Variants in ETNPPL observed in about 807,000 individuals in gnomAD.
The protein encoded by ETNPPL is alanine--glyoxylate aminotransferase 2-like 1.
In ETNPPL, 30 loss-of-function variants were observed where a neutral mutation model predicts 55.5. The observed-to-expected ratio is 0.54, with a 90% CI of 0.40 to 0.73. ETNPPL has a LOEUF of 0.73. ETNPPL is among the 30% of genes least tolerant of loss of function. The pLI, the probability that ETNPPL is intolerant of heterozygous loss-of-function variation, is 0.00. For missense variants in ETNPPL, 528 were observed against 607.9 expected (o/e 0.87, Z 1.38); for synonymous variants, 202 against 207.2 (o/e 0.98, Z 0.21).
chr4:108,756,098 T>C (rs569666685), intron 4 of ETNPPL, among the ~76,000 whole-genome samples: 1 of 152,334 alleles, frequency 6.6e-6, no homozygotes, highest in East Asian at 1.9e-4. Flanking sequence ...TGGAAAACAA[T>C]TTAATTACTT....
At chr4:108,762,757 T>C in intron 1 of ETNPPL, 86 bp downstream of exon 1, 1 of 1,485,736 alleles carries the variant, frequency 6.7e-7, no homozygotes, top group South Asian at 1.1e-5. Context: ...GCGCATCGTT[T>C]GTTCCCTAGC....
At chr4:108,753,455 A>G (rs909308866) in intron 5 of ETNPPL, among the ~76,000 whole-genome samples, 1 of 152,118 alleles carries the variant, frequency 6.6e-6, no homozygotes, top group Non-Finnish European at 1.5e-5. Flanking sequence ...ATTCTCAAGA[A>G]ATTTGGCCAG....
chr4:108,744,036 G>C (rs1341642381), intron 11 of ETNPPL, among the ~76,000 whole-genome samples, 180 bp from the exon 12 acceptor site: 1 of 152,240 alleles, frequency 6.6e-6, no homozygotes. Flanking sequence ...GCCGAAGAGG[G>C]CGGATCACAA....
chr4:108,747,161 ATAT>A (rs1305921136), intron 9 of ETNPPL, among the ~76,000 whole-genome samples: 2 of 15,848 alleles, frequency 1.3e-4, no homozygotes, highest in Non-Finnish European at 1.8e-4. Flanking sequence ...ATATATATAT[ATAT>A]TATATATATA....
At chr4:108,749,506 A>G in intron 7 of ETNPPL, 43 bp from the exon 8 acceptor site, 1 of 1,452,218 alleles carries the variant, frequency 6.9e-7, no homozygotes, top group Non-Finnish European at 9.6e-7. Flanking sequence ...GGTCACTGAG[A>G]TCCCCAAACC....
rs1279470298 is a variant in ETNPPL at position 108,742,243 on chromosome 4, G to A, written c.*241C>T. ...GAGTTTGCAAGCTTACAATTTAATAGAATAAATCAGGTAGCTTCAGAAATC... is the reference window on the plus strand; with the variant it reads ...GAGTTTGCAAGCTTACAATTTAATAAAATAAATCAGGTAGCTTCAGAAATC... On this transcript the variant is annotated 3_prime_UTR_variant, in exon 13 of 13. Coordinates refer to ENST00000296486, the MANE Select transcript of ETNPPL (RefSeq NM_031279.4). The A allele has an allele frequency of 3.0e-6, 1 of 337,362 alleles. No homozygotes were observed. Among genetic ancestry groups the A allele is most frequent in the Non-Finnish European group, 5.5e-6 (1 of 181,448 alleles). The allele number at this position is 337,362 out of a possible 1,614,324, so 20.9% of individuals were successfully genotyped here.
At chr4:108,754,780 AC>A in intron 4 of ETNPPL, 70 bp from the exon 5 acceptor site, 2 of 949,526 alleles carry the variant, frequency 2.1e-6, no homozygotes, top group Non-Finnish European at 3.4e-6. Flanking sequence ...GTATATGAAA[AC>A]CAGTGTTGCA....
chr4:108,745,193 A>G (rs1027664284), intron 11 of ETNPPL, among the ~76,000 whole-genome samples: 1 of 152,244 alleles, frequency 6.6e-6, no homozygotes, highest in African/African-American at 2.4e-5. Context: ...GGTAAACAAG[A>G]TATATTTTTA....
Position 108,756,967 on chromosome 4 carries a change from G to A in ETNPPL, c.336-475C>T, listed in dbSNP as rs4956054. Among the ~76,000 whole-genome samples the A allele has an allele frequency of 8.5e-3, 1,296 of 152,134 alleles. 27 individuals carry two copies. Among genetic ancestry groups the A allele is most frequent in the African/African-American group, 0.03 (1,234 of 41,506 alleles). ...GCCCACTTTACCCTTCTAATATAAGGTTCCTTAGATGTTTTCAGTAAAGAA... is the reference window on the plus strand; with the variant it reads ...GCCCACTTTACCCTTCTAATATAAGATTCCTTAGATGTTTTCAGTAAAGAA... On this transcript the variant is annotated intron_variant, in intron 3 of 12. Transcript: ENST00000296486.
At chr4:108,749,064 T>TTA (rs934276413) in intron 8 of ETNPPL, among the ~76,000 whole-genome samples, 174 bp downstream of exon 8, 9 of 151,606 alleles carry the variant, frequency 5.9e-5, no homozygotes, top group East Asian at 1.9e-4. Flanking sequence ...AAGTATAATT[T>TTA]TATATATATA....
At chr4:108,754,471 T>A in intron 5 of ETNPPL, 149 bp downstream of exon 5, 1 of 548,828 alleles carries the variant, frequency 1.8e-6, no homozygotes, top group Non-Finnish European at 3.2e-6. Flanking sequence ...CATTCTGTCA[T>A]TATTTAGCCC....
intron 11 of ETNPPL, among the ~76,000 whole-genome samples, chr4:108,745,930 C>CAA (rs5860940): frequency 0.32 from 22,816 of 70,442 alleles, 3,516 homozygotes; most frequent in East Asian, 0.53. Flanking sequence ...GACTCCATCT[C>CAA]AAAAAAAAAA....
At position 108,742,110 on chromosome 4, in the gene ETNPPL, A is replaced by G. The variant is rs1290620507; in HGVS notation, c.*374T>C. Reference sequence around the variant, plus strand: ...ATACTTTTATATATGAAATCATTATAGAATACATATTTTAAGGCACTAAGT... The same window carrying G: ...ATACTTTTATATATGAAATCATTATGGAATACATATTTTAAGGCACTAAGT... On this transcript the variant is annotated 3_prime_UTR_variant, in exon 13 of 13. Transcript: ENST00000296486. 6.3e-6 allele frequency: 1 copy of G among 159,806 alleles called. No homozygotes were observed. Among genetic ancestry groups the G allele is most frequent in the South Asian group, 1.9e-4 (1 of 5,402 alleles). 9.9% of individuals were successfully genotyped at this position (159,806 alleles called of 1,614,324 possible). A position where few individuals can be genotyped will look rare whatever the true frequency, so the allele number is the denominator to read the frequency against.
intron 11 of ETNPPL, among the ~76,000 whole-genome samples, chr4:108,744,865 A>G (rs1465261001): frequency 6.6e-6 from 1 of 151,740 alleles, no homozygotes; most frequent in Non-Finnish European, 1.5e-5. Context: ...CTACAGGCGC[A>G]CGCACCACCA....
At chr4:108,754,870 G>A (rs916239417) in intron 4 of ETNPPL, 160 bp from the exon 5 acceptor site, 5 of 589,468 alleles carry the variant, frequency 8.5e-6, no homozygotes, top group Non-Finnish European at 1.5e-5. Context: ...ATTTTTCATG[G>A]CAAGACTGGC....
chr4:108,758,584 T>G (rs1408758025), intron 3 of ETNPPL, among the ~76,000 whole-genome samples: 2 of 151,950 alleles, frequency 1.3e-5, no homozygotes, highest in Admixed American at 1.3e-4. Flanking sequence ...ACACTGTCAC[T>G]AAAAATCAAA....
At chr4:108,749,123 A>T in intron 8 of ETNPPL, 115 bp downstream of exon 8, 1 of 665,356 alleles carries the variant, frequency 1.5e-6, no homozygotes, top group South Asian at 2.1e-5. Context: ...CTTTGGCCAG[A>T]GTTCTGGGTG....
chr4:108,752,327 T>G (rs963663923), intron 6 of ETNPPL, among the ~76,000 whole-genome samples: 2 of 152,128 alleles, frequency 1.3e-5, no homozygotes, highest in Non-Finnish European at 2.9e-5. Flanking sequence ...GGCTGAGAAT[T>G]GAACATTAAG....
At chr4:108,753,811 G>GAAAGAAAGGAA (rs1560656754) in intron 5 of ETNPPL, among the ~76,000 whole-genome samples, 23 of 128,930 alleles carry the variant, frequency 1.8e-4, no homozygotes, top group Middle Eastern at 3.6e-3. Flanking sequence ...AAAGAAAAGA[G>GAAAGAAAGGAA]AAGAAAAGAA....
Sources: allele counts gnomAD v4.1 joint callset (sites outside exome capture counted in the v4.1 genomes callset), GRCh38; gene constraint gnomAD v4.1.1; transcripts MANE v1.5; gene names NCBI Gene and HGNC (gene_info 2026-07-23, HGNC 2026-07-21).